TUSC3: variants seen among roughly 807,000 people sequenced by gnomAD.
TUSC3 encodes the protein tumor suppressor candidate 3.
Under a neutral mutation model 44.8 loss-of-function variants are expected in TUSC3, and 45 were observed. That is an observed-to-expected ratio of 1.00 (90% CI 0.79 to 1.29). TUSC3 has a LOEUF of 1.29. Among genes scored for constraint, TUSC3 ranks in the 50% most tolerant of loss-of-function variants. The pLI, the probability that TUSC3 is intolerant of heterozygous loss-of-function variation, is 0.00. For synonymous variants in TUSC3, 212 were observed against 152.9 expected (o/e 1.39, Z -2.85); for missense variants, 519 against 437.9 (o/e 1.19, Z -1.65).
chr8:15,423,969 GTT>G (rs112397215), intron 1 of TUSC3, among the ~76,000 whole-genome samples: 22 of 70,356 alleles, frequency 3.1e-4, no homozygotes, highest in African/African-American at 4.5e-4. Flanking sequence ...GTTTTGCTTT[GTT>G]TTTTTTTTTT....
chr8:15,650,174 T>C (rs540429299), intron 2 of TUSC3, among the ~76,000 whole-genome samples: 2 of 152,320 alleles, frequency 1.3e-5, no homozygotes, highest in African/African-American at 4.8e-5. Flanking sequence ...CATTTTGAGA[T>C]AAATGGAATG....
At chr8:15,831,078 GC>G in the TUSC3 span, among the ~76,000 whole-genome samples, 1 of 152,106 alleles carries the variant, frequency 6.6e-6, no homozygotes, top group African/African-American at 2.4e-5. Context: ...GATTACCTCA[GC>G]CCCAACCCAG....
intron 6 of TUSC3, among the ~76,000 whole-genome samples, chr8:15,685,644 T>A (rs1300747892): frequency 6.6e-6 from 1 of 152,144 alleles, no homozygotes; most frequent in Non-Finnish European, 1.5e-5. Context: ...CACATTGACC[T>A]TAACATCAAC....
At chr8:15,821,023 CATT>C in the TUSC3 span, among the ~76,000 whole-genome samples, 2 of 152,154 alleles carry the variant, frequency 1.3e-5, no homozygotes, top group Non-Finnish European at 2.9e-5. Flanking sequence ...TTCTCTCTGA[CATT>C]ATTTCTCTTC....
chr8:15,569,696 G>C (rs997702969), intron 1 of TUSC3, among the ~76,000 whole-genome samples: 1 of 152,078 alleles, frequency 6.6e-6, no homozygotes, highest in South Asian at 2.1e-4. Context: ...TTAGAGGTAG[G>C]GTAGACGGTT....
At chr8:15,450,896 C>T (rs1800189713) in intron 1 of TUSC3, among the ~76,000 whole-genome samples, 2 of 152,124 alleles carry the variant, frequency 1.3e-5, no homozygotes, top group South Asian at 2.1e-4. Flanking sequence ...AGAAACAATG[C>T]CTGAAACATG....
chr8:15,451,163 GATATAAGACAC>G (rs1481282292), intron 1 of TUSC3, among the ~76,000 whole-genome samples: 3 of 152,118 alleles, frequency 2.0e-5, no homozygotes, highest in African/African-American at 4.8e-5. Flanking sequence ...GATATAATAA[GATATAAGACAC>G]ATATATATGT....
At chr8:15,584,332 A>G (rs1447035984) in intron 1 of TUSC3, among the ~76,000 whole-genome samples, 6 of 152,150 alleles carry the variant, frequency 3.9e-5, no homozygotes, top group Non-Finnish European at 8.8e-5. Context: ...GCTTTTTTGT[A>G]TTATAAAAGC....
intron 5 of TUSC3, among the ~76,000 whole-genome samples, chr8:15,673,469 G>T (rs554655495): frequency 4.6e-5 from 7 of 152,054 alleles, no homozygotes; most frequent in Non-Finnish European, 2.9e-5. Flanking sequence ...CAGATTGCCT[G>T]TCACCAGGCC....
chr8:15,659,776 T>G, intron 4 of TUSC3, 129 bp downstream of exon 4: 1 of 1,182,210 alleles, frequency 8.5e-7, no homozygotes, highest in Non-Finnish European at 1.2e-6. Context: ...AGAAAACTGT[T>G]CGATTACTGC....
chr8:15,811,368 G>A, the TUSC3 span, among the ~76,000 whole-genome samples: 1 of 152,132 alleles, frequency 6.6e-6, no homozygotes, highest in East Asian at 1.9e-4. Flanking sequence ...TAACCTCGAA[G>A]TCCACCAAAA....
downstream of TUSC3, among the ~76,000 whole-genome samples, chr8:15,769,165 G>A (rs879553708): frequency 3.9e-5 from 6 of 152,104 alleles, no homozygotes; most frequent in African/African-American, 1.4e-4. Context: ...CACTCTACCT[G>A]ACTTCAAACT....
At chr8:15,620,976 G>A (rs768875880) in intron 1 of TUSC3, among the ~76,000 whole-genome samples, 23 of 144,356 alleles carry the variant, frequency 1.6e-4, no homozygotes, top group Non-Finnish European at 2.2e-4. Context: ...TTAAAAGATT[G>A]TGTGTGGTGT....
intron 1 of TUSC3, among the ~76,000 whole-genome samples, chr8:15,451,716 C>T (rs1164052807): frequency 6.6e-6 from 1 of 152,050 alleles, no homozygotes. Context: ...AGGTGAGAAC[C>T]TGGGCTTGCA....
intron 6 of TUSC3, among the ~76,000 whole-genome samples, chr8:15,717,851 G>A (rs764151839): frequency 2.6e-5 from 4 of 151,952 alleles, no homozygotes; most frequent in East Asian, 1.9e-4. Context: ...TAACTCAAGC[G>A]CAGATTCACA....
intron 6 of TUSC3, among the ~76,000 whole-genome samples, chr8:15,693,654 G>A (rs192378673): frequency 6.6e-6 from 1 of 151,802 alleles, no homozygotes; most frequent in East Asian, 1.9e-4. Context: ...GCATTTCACA[G>A]GGGTTCTCTG....
chr8:15,826,708 T>C, the TUSC3 span, among the ~76,000 whole-genome samples: 22,577 of 152,054 alleles, frequency 0.15, 1,976 homozygotes, highest in African/African-American at 0.24. Flanking sequence ...ATCACCTGCA[T>C]AGAACAGAGA....
intron 2 of TUSC3, among the ~76,000 whole-genome samples, chr8:15,527,524 T>G (rs1238785287): frequency 1.3e-5 from 2 of 152,164 alleles, no homozygotes; most frequent in African/African-American, 4.8e-5. Context: ...GCCTTGAATA[T>G]TTCTTTTTAA....
the TUSC3 span, among the ~76,000 whole-genome samples, chr8:15,777,789 T>G: frequency 3.3e-5 from 5 of 152,126 alleles, no homozygotes; most frequent in African/African-American, 1.2e-4. Flanking sequence ...GGAATTCCCT[T>G]TTAAAATATT....
Sources: allele counts gnomAD v4.1 joint callset (sites outside exome capture counted in the v4.1 genomes callset), GRCh38; gene constraint gnomAD v4.1.1; transcripts MANE v1.5; gene names NCBI Gene and HGNC (gene_info 2026-07-23, HGNC 2026-07-21).